The following STPG2 variants were observed in gnomAD, a reference collection of about 807,000 sequenced individuals.
STPG2 encodes sperm-tail PG-rich repeat-containing protein 2.
A neutral mutation model predicts 54.2 loss-of-function variants in STPG2; 56 were observed. That is an observed-to-expected ratio of 1.03 (90% confidence interval 0.83 to 1.29). The LOEUF (loss-of-function observed/expected upper bound fraction) is 1.29, where lower values mean the gene tolerates loss of function less well. Ranked by LOEUF, STPG2 falls within the 50% of genes most tolerant of loss-of-function variation. STPG2 has a pLI of 0.00. For synonymous variants in STPG2, 200 were observed against 181.8 expected, an observed-to-expected ratio of 1.10 and a Z score of -0.81; for missense variants, 596 against 544.9, an observed-to-expected ratio of 1.09 and a Z score of -0.93.
chr4:97,533,648 G>T (rs1731465048), intron 4 of STPG2, among the ~76,000 whole-genome samples: 1 of 152,054 alleles, frequency 6.6e-6, no homozygotes, highest in Non-Finnish European at 1.5e-5. Context: ...TTAGTGTCAT[G>T]AAATCACAAA....
At chr4:98,082,342 G>C (rs1003022541) in intron 5 of STPG2, among the ~76,000 whole-genome samples, 4 of 129,176 alleles carry the variant, frequency 3.1e-5, no homozygotes, top group African/African-American at 1.2e-4. Flanking sequence ...CCACAGACAG[G>C]AGACCCAGAG....
At chr4:97,926,496 T>A (rs1732336592) in intron 8 of STPG2, among the ~76,000 whole-genome samples, 1 of 152,168 alleles carries the variant, frequency 6.6e-6, no homozygotes, top group African/African-American at 2.4e-5. Flanking sequence ...TAGAAGAACA[T>A]GCTCCACCTA....
chr4:98,026,042 C>G, intron 5 of STPG2: 1 of 1,057,416 alleles, frequency 9.5e-7, no homozygotes, highest in Non-Finnish European at 1.4e-6. Flanking sequence ...TTACAAGAAA[C>G]AGTTCTCTCA....
In STPG2 at chr4:97,914,636, T is replaced by C. The variant is rs140183433; in HGVS notation, c.1044+29261A>G. Among the ~76,000 whole-genome samples the C allele has an allele frequency of 3.0e-3, 458 of 152,252 alleles. 3 individuals carry two copies. The highest frequency in any genetic ancestry group is 0.011 in the African/African-American group (440 of 41,560). On this transcript the variant is annotated intron_variant, in intron 8 of 10. Coordinates refer to ENST00000295268, the MANE Select transcript of STPG2 (RefSeq NM_174952.3). ...AACCACCATTCTACAAGTTGCACAC[T>C]GAGTATTCTTTATCCAAAATTCTTG... is the stretch of plus-strand genomic sequence containing the variant.
At chr4:97,976,668 A>T (rs1256477775) in intron 6 of STPG2, among the ~76,000 whole-genome samples, 4 of 152,136 alleles carry the variant, frequency 2.6e-5, no homozygotes, top group African/African-American at 7.2e-5. Flanking sequence ...TACAAGTCCA[A>T]TTCTTTACTC....
chr4:97,831,330 C>T (rs1292322452), intron 9 of STPG2, among the ~76,000 whole-genome samples: 1 of 151,980 alleles, frequency 6.6e-6, no homozygotes, highest in East Asian at 1.9e-4. Context: ...CCAATGAGAA[C>T]AAAAACACAA....
chr4:97,823,593 G>GAATTCTTTCAA (rs965618142), intron 9 of STPG2, among the ~76,000 whole-genome samples: 2 of 152,062 alleles, frequency 1.3e-5, no homozygotes, highest in Non-Finnish European at 2.9e-5. Context: ...TTTACTCTGT[G>GAATTCTTTCAA]GATTCACCTT....
chr4:98,036,890 GT>G (rs1560648965), intron 5 of STPG2, among the ~76,000 whole-genome samples: 1 of 151,946 alleles, frequency 6.6e-6, no homozygotes, highest in African/African-American at 2.4e-5. Context: ...TAAAAATATA[GT>G]TTTCTTAGTC....
At chr4:97,579,381 G>T (rs759244381) in intron 10 of STPG2, among the ~76,000 whole-genome samples, 1 of 151,804 alleles carries the variant, frequency 6.6e-6, no homozygotes, top group African/African-American at 2.4e-5. Flanking sequence ...AATTTTCTAA[G>T]CATCTTAGAA....
At chr4:97,795,445 T>G (rs1408925460) in intron 9 of STPG2, among the ~76,000 whole-genome samples, 2 of 152,134 alleles carry the variant, frequency 1.3e-5, no homozygotes, top group African/African-American at 4.8e-5. Flanking sequence ...GAACATGCAG[T>G]GTTTGGTTTT....
chr4:97,863,033 A>G (rs1269213294), intron 8 of STPG2, among the ~76,000 whole-genome samples: 3 of 152,182 alleles, frequency 2.0e-5, no homozygotes, highest in Non-Finnish European at 4.4e-5. Context: ...CACAATTAAA[A>G]GAACTAGAGA....
At chr4:97,783,548 C>T (rs931832482) in intron 9 of STPG2, among the ~76,000 whole-genome samples, 1 of 152,108 alleles carries the variant, frequency 6.6e-6, no homozygotes, top group Non-Finnish European at 1.5e-5. Flanking sequence ...CTAGAAATAC[C>T]ATTTGACCCA....
chr4:97,815,666 A>G (rs1181946104), intron 9 of STPG2, among the ~76,000 whole-genome samples: 1 of 152,102 alleles, frequency 6.6e-6, no homozygotes, highest in Non-Finnish European at 1.5e-5. Context: ...TCACTCAGGG[A>G]CTTTACCTTC....
chr4:97,932,770 T>C (rs1732599741), intron 8 of STPG2, among the ~76,000 whole-genome samples: 1 of 152,232 alleles, frequency 6.6e-6, no homozygotes, highest in Admixed American at 6.5e-5. Flanking sequence ...CCATCATTGA[T>C]GGTTATTTGG....
intron 4 of STPG2, among the ~76,000 whole-genome samples, chr4:97,537,538 G>C (rs1280254614): frequency 2.0e-5 from 3 of 152,182 alleles, no homozygotes; most frequent in Non-Finnish European, 2.9e-5. Flanking sequence ...GGTAAACAAA[G>C]CAGCTGGGAA....
At chr4:98,039,690 A>ATCTATATC in intron 5 of STPG2, among the ~76,000 whole-genome samples, 1 of 142,756 alleles carries the variant, frequency 7.0e-6, no homozygotes, top group Non-Finnish European at 1.5e-5. Flanking sequence ...ATACATATAT[A>ATCTATATC]TATATATATC....
chr4:98,091,224 T>C (rs781529324), intron 5 of STPG2, among the ~76,000 whole-genome samples: 1 of 152,032 alleles, frequency 6.6e-6, no homozygotes, highest in Non-Finnish European at 1.5e-5. Context: ...TGTGAACCAC[T>C]ATGCATTACC....
At chr4:97,481,824 G>A (rs749620590) in intron 4 of STPG2, among the ~76,000 whole-genome samples, 2 of 151,346 alleles carry the variant, frequency 1.3e-5, no homozygotes, top group African/African-American at 2.4e-5. Context: ...TTTCCAATCA[G>A]TATGCTTATA....
rs536235350 is a variant in STPG2 at position 97,593,244 on chromosome 4, C to G, written c.1321-34127G>C. 1.6e-3 allele frequency among the ~76,000 whole-genome samples: 237 copies of G among 152,210 alleles called. 1 individual carries two copies. The highest frequency in any genetic ancestry group is 2.7e-3 in the Non-Finnish European group (182 of 68,002). On this transcript the variant is annotated intron_variant, in intron 10 of 10. Transcript: ENST00000295268. Reference sequence around the variant, plus strand: ...CTGCCGACAGGCACCAGCCCACCCCCACTCTTCTCCCACAGTAGCCTCCTC... The same window carrying G: ...CTGCCGACAGGCACCAGCCCACCCCGACTCTTCTCCCACAGTAGCCTCCTC...
Sources: gnomAD v4.1 joint callset for allele counts (sites outside exome capture counted in the v4.1 genomes callset) on GRCh38, gnomAD v4.1.1 for gene constraint, MANE v1.5 for transcripts, NCBI Gene and HGNC (gene_info 2026-07-23, HGNC 2026-07-21) for gene names.